Variants in BIN2 observed in about 807,000 individuals in gnomAD.
BIN2 encodes breast cancer associated protein BRAP1.
In BIN2, 43 loss-of-function variants were observed where a neutral mutation model predicts 67.9. The observed-to-expected ratio is 0.63, with a 90% CI of 0.50 to 0.82. The LOEUF (loss-of-function observed/expected upper bound fraction) is 0.82. Ranked by LOEUF, BIN2 falls within the 40% of genes least tolerant of loss-of-function variation. The probability of loss-of-function intolerance (pLI) is 0.00; values close to 1 mark genes in which losing one functional copy is unlikely to be tolerated. For missense variants in BIN2, 581 were observed against 671.6 expected, an observed-to-expected ratio of 0.87 and a Z score of 1.49; for synonymous variants, 244 against 246.8, an observed-to-expected ratio of 0.99 and a Z score of 0.11.
At chr12:51,297,545 C>T (rs934934812) in intron 7 of BIN2, among the ~76,000 whole-genome samples, 5 of 151,894 alleles carry the variant, frequency 3.3e-5, no homozygotes, top group Non-Finnish European at 5.9e-5. Flanking sequence ...CCAGCCTGGG[C>T]GACAGAGCGA....
chr12:51,317,577 G>A (rs1946166010), intron 1 of BIN2, among the ~76,000 whole-genome samples: 1 of 152,090 alleles, frequency 6.6e-6, no homozygotes, highest in African/African-American at 2.4e-5. Flanking sequence ...GCTGACGCAG[G>A]AGAATCGGTT....
At chr12:51,283,296 TA>T (rs1945159719) in intron 12 of BIN2, among the ~76,000 whole-genome samples, 1 of 148,722 alleles carries the variant, frequency 6.7e-6, no homozygotes, top group African/African-American at 2.5e-5. Context: ...TCTGCTTATT[TA>T]AAAAAAACAT....
chr12:51,298,518 G>A (rs1308476902), intron 7 of BIN2, among the ~76,000 whole-genome samples: 3 of 151,992 alleles, frequency 2.0e-5, no homozygotes, highest in Non-Finnish European at 4.4e-5. Context: ...CAGCCTGGGT[G>A]ACAGAATGAG....
At position 51,302,039 on chromosome 12, in the gene BIN2, G is replaced by A; in HGVS notation, c.389C>T (p.Ala130Val). ...QAVRTMEIYV[A>V]QFSEIKERIA... Reference sequence around the variant, plus strand: ...GAGTACCTTAATTTCACTGAACTGGGCAACATAGATTTCCATGGTCCTTAC... The same window carrying A: ...GAGTACCTTAATTTCACTGAACTGGACAACATAGATTTCCATGGTCCTTAC... Residue 130 changes from alanine (A) to valine (V), a missense_variant, in exon 5 of 13, where the codon GCC (alanine) becomes GTC (valine). Coordinates refer to ENST00000615107, the MANE Select transcript of BIN2 (RefSeq NM_016293.4). 1 of 1,613,042 alleles carries A rather than the reference G, an allele frequency of 6.2e-7. No individual in the cohort carries two copies. The highest frequency in any genetic ancestry group is 1.1e-5 in the South Asian group (1 of 91,042).
rs951674353 is a variant in BIN2, at chr12:51,313,708, G to A, written c.162+115C>T. The A allele has an allele frequency of 4.1e-5, 38 of 915,696 alleles. No individual in the cohort carries two copies. In the East Asian group the frequency reaches 7.8e-4, roughly 19 times the overall value. The allele number at this position is 915,696 out of a possible 1,614,324, so 56.7% of individuals were successfully genotyped here. A position where few individuals can be genotyped will look rare whatever the true frequency, so the allele number is the denominator to read the frequency against. On this transcript the variant is annotated intron_variant, in intron 2 of 12. Transcript: ENST00000615107. ...CACCCTGTAGCCCTTAACCCTAGGG[G>A]GAGGGTGGCTTGGTGGAGATGTTTG...
Position 51,288,297 on chromosome 12 carries a change from G to A in BIN2, c.1516-109C>T, listed in dbSNP as rs553995191. 9.6e-5 allele frequency: 80 copies of A among 833,404 alleles called. No homozygotes were observed. In the African/African-American group the frequency reaches 1.1e-3, roughly 12 times the overall value. 51.6% of individuals were successfully genotyped at this position (833,404 alleles called of 1,614,324 possible). On this transcript the variant is annotated intron_variant, in intron 10 of 12. Coordinates refer to ENST00000615107, the MANE Select transcript of BIN2 (RefSeq NM_016293.4). ...TCCTCTCAGATATCAGGAGGCTCCCGAGGTAGCCTTGGTCAGACACAGGCA... is the reference window on the plus strand; with the variant it reads ...TCCTCTCAGATATCAGGAGGCTCCCAAGGTAGCCTTGGTCAGACACAGGCA...
intron 2 of BIN2, among the ~76,000 whole-genome samples, chr12:51,306,182 A>G (rs1013585442): frequency 3.3e-5 from 5 of 152,086 alleles, no homozygotes; most frequent in African/African-American, 1.2e-4. Context: ...CAAACTTCAG[A>G]TCAAAAGTCC....
chr12:51,324,063 C>T lies in BIN2; in HGVS notation c.40G>A (p.Ala14Thr), dbSNP rs777374690. 1.2e-6 allele frequency: 2 copies of T among 1,613,550 alleles called. No individual in the cohort carries two copies. Among genetic ancestry groups the T allele is most frequent in the Admixed American group, 3.3e-5 (2 of 59,996 alleles). ...GKAGGAAGLF[A>T]KQVQKKFSRA... ...CTAAACTTCTTCTGCACCTGCTTGG[C>T]GAAGAGGCCGGCCGCGCCGCCTGCC... Residue 14 changes from alanine (A) to threonine (T), a missense_variant, in exon 1 of 13, where the codon GCC (alanine) becomes ACC (threonine). By Grantham distance (58) the Ala-to-Thr change is moderately conservative. Coordinates refer to ENST00000615107, the MANE Select transcript of BIN2 (RefSeq NM_016293.4).
At chr12:51,295,392 C>CAAAAAAA (rs1178848004) in intron 9 of BIN2, among the ~76,000 whole-genome samples, 1 of 91,772 alleles carries the variant, frequency 1.1e-5, no homozygotes, top group African/African-American at 4.2e-5. Context: ...ACTAAAAATA[C>CAAAAAAA]AAAAAAAAAA....
At chr12:51,301,636 G>A (rs1420461440) in intron 5 of BIN2, among the ~76,000 whole-genome samples, 3 of 151,984 alleles carry the variant, frequency 2.0e-5, no homozygotes, top group African/African-American at 7.2e-5. Flanking sequence ...GTCTCCTAGG[G>A]TGGCTGGGAC....
intron 2 of BIN2, among the ~76,000 whole-genome samples, chr12:51,306,733 A>C (rs986221455): frequency 3.3e-5 from 5 of 152,246 alleles, no homozygotes; most frequent in African/African-American, 1.2e-4. Context: ...TGACCATGAG[A>C]AAGCACTTTC....
At chr12:51,291,534 C>A in intron 10 of BIN2, 57 bp downstream of exon 10, 1 of 1,493,864 alleles carries the variant, frequency 6.7e-7, no homozygotes, top group Non-Finnish European at 8.9e-7. Flanking sequence ...CTGAGTGAGA[C>A]CCTAGCTTAA....
At position 51,291,956 on chromosome 12, in the gene BIN2, C is replaced by T. The variant is rs1312405207; in HGVS notation, c.1150G>A (p.Ala384Thr). 3.1e-6 allele frequency: 5 copies of T among 1,614,074 alleles called. No homozygotes were observed. The highest frequency in any genetic ancestry group is 3.4e-6 in the Non-Finnish European group (4 of 1,180,034). ...CGGGTTCGGAGGACTACTTCTGTGG[C>T]AGATGATGAAGGCTGCCCTGAAGGG... Reference protein sequence around the residue: ...LSPSGQPSSSATEVVLRTRTA... With the variant: ...LSPSGQPSSSTTEVVLRTRTA... Residue 384 changes from alanine (A) to threonine (T), a missense_variant, in exon 10 of 13, where the codon GCC becomes ACC. Physicochemically the swap from Ala to Thr is moderately conservative, Grantham distance 58. Coordinates refer to ENST00000615107, the MANE Select transcript of BIN2 (RefSeq NM_016293.4).
At chr12:51,289,221 TA>T (rs34273110) in intron 10 of BIN2, among the ~76,000 whole-genome samples, 23,099 of 151,974 alleles carry the variant, frequency 0.15, 2,962 homozygotes, top group East Asian at 0.53. Flanking sequence ...AAATGTATCT[TA>T]AAAAAAAGTC....
At chr12:51,305,826 CTTTTTTTT>C (rs1168899685) in intron 2 of BIN2, among the ~76,000 whole-genome samples, 3 of 82,412 alleles carry the variant, frequency 3.6e-5, no homozygotes, top group African/African-American at 9.2e-5. Flanking sequence ...TGTTTTCTTT[CTTTTTTTT>C]TTTTTTTTTT....
intron 1 of BIN2, among the ~76,000 whole-genome samples, chr12:51,321,991 C>G (rs776849147): frequency 5.9e-5 from 9 of 152,192 alleles, no homozygotes; most frequent in Non-Finnish European, 1.2e-4. Flanking sequence ...CAACCTTTGC[C>G]TACCCTTTTG....
chr12:51,318,644 G>T (rs1044905478), intron 1 of BIN2, among the ~76,000 whole-genome samples: 1 of 152,192 alleles, frequency 6.6e-6, no homozygotes, highest in Non-Finnish European at 1.5e-5. Context: ...GAGTTAGACA[G>T]ATATGGGCTC....
At chr12:51,285,626 C>CTTTT (rs10562037) in intron 11 of BIN2, among the ~76,000 whole-genome samples, 1 of 131,496 alleles carries the variant, frequency 7.6e-6, no homozygotes, top group African/African-American at 2.7e-5. Flanking sequence ...TTCTTTCTTT[C>CTTTT]TTTTTTTTTT....
upstream of BIN2, chr12:51,324,228 G>T (rs373826826): frequency 2.1e-6 from 3 of 1,461,312 alleles, no homozygotes; most frequent in Middle Eastern, 2.5e-4. Flanking sequence ...ACCTCAGGCC[G>T]CCCCTGGCCA....
Sources: gnomAD v4.1 joint callset for allele counts (sites outside exome capture counted in the v4.1 genomes callset) on GRCh38, gnomAD v4.1.1 for gene constraint, MANE v1.5 for transcripts, NCBI Gene and HGNC (gene_info 2026-07-23, HGNC 2026-07-21) for gene names.